ASTN1: variants seen among roughly 807,000 people sequenced by gnomAD.
ASTN1 encodes astrotactin 1, also known as astrotactin-1.
In ASTN1, 41 loss-of-function variants were observed where a neutral mutation model predicts 140.7. That is an observed-to-expected ratio of 0.29 (90% CI 0.23 to 0.38). ASTN1 has a LOEUF of 0.38. Ranked by LOEUF, ASTN1 falls within the 10% of genes least tolerant of loss-of-function variation. ASTN1 has a pLI of 1.00. For synonymous variants in ASTN1, 640 were observed against 652.2 expected (o/e 0.98, Z 0.29); for missense variants, 1,479 against 1,678.8 (o/e 0.88, Z 2.08).
intron 8 of ASTN1, chr1:176,981,723 C>T (rs975258495): frequency 6.5e-6 from 1 of 152,796 alleles, no homozygotes; most frequent in African/African-American, 2.4e-5. Context: ...GCATGATTCT[C>T]ATAGTTCGGC....
At chr1:177,004,139 C>A (rs1674875762) in intron 8 of ASTN1, among the ~76,000 whole-genome samples, 2 of 152,030 alleles carry the variant, frequency 1.3e-5, no homozygotes, top group African/African-American at 2.4e-5. Context: ...CTAGGTTACA[C>A]AATGTATACA....
intron 8 of ASTN1, among the ~76,000 whole-genome samples, chr1:177,002,252 G>C (rs972769310): frequency 1.3e-5 from 2 of 152,120 alleles, no homozygotes; most frequent in Non-Finnish European, 2.9e-5. Flanking sequence ...CACCCCAATT[G>C]TTGAAGTTCA....
intron 1 of ASTN1, among the ~76,000 whole-genome samples, chr1:177,069,367 C>T (rs1439210988): frequency 6.6e-6 from 1 of 152,134 alleles, no homozygotes; most frequent in African/African-American, 2.4e-5. Context: ...AGCTGCCCAT[C>T]CACCCGCTTC....
At chr1:177,045,206 A>C (rs1677159809) in intron 2 of ASTN1, among the ~76,000 whole-genome samples, 1 of 152,140 alleles carries the variant, frequency 6.6e-6, no homozygotes, top group African/African-American at 2.4e-5. Flanking sequence ...TTTCTCAATT[A>C]ATCCTTAATC....
chr1:176,896,253 A>G (rs987370784), intron 16 of ASTN1, among the ~76,000 whole-genome samples: 8 of 152,226 alleles, frequency 5.3e-5, no homozygotes, highest in Non-Finnish European at 1.2e-4. Context: ...TAAATATGGC[A>G]TATAATTCAT....
At chr1:176,953,434 C>A (rs1428834249) in intron 11 of ASTN1, among the ~76,000 whole-genome samples, 2 of 152,254 alleles carry the variant, frequency 1.3e-5, no homozygotes, top group African/African-American at 4.8e-5. Context: ...AACCTCACTT[C>A]TTTTACAAAT....
intron 1 of ASTN1, among the ~76,000 whole-genome samples, chr1:177,106,771 G>A (rs890367048): frequency 5.9e-5 from 9 of 152,102 alleles, no homozygotes; most frequent in African/African-American, 1.7e-4. Context: ...GCTGAATGGC[G>A]TTCAAATGAT....
At chr1:177,093,345 C>G (rs777635511) in intron 1 of ASTN1, among the ~76,000 whole-genome samples, 1 of 152,130 alleles carries the variant, frequency 6.6e-6, no homozygotes, top group African/African-American at 2.4e-5. Context: ...GGACACTGTA[C>G]GTGATATCCA....
chr1:176,894,636 C>A lies in ASTN1; in HGVS notation c.2866G>T (p.Ala956Ser), dbSNP rs143602916. ...CHVTSSPDTP[A>S]EPVLLEVTKA... is the part of the protein sequence containing the mutation. Reference sequence around the variant, plus strand: ...GTCACCTCCAGCAGAACCGGCTCAGCAGGGGTGTCAGGGCTGGATGTCACA... The same window carrying A: ...GTCACCTCCAGCAGAACCGGCTCAGAAGGGGTGTCAGGGCTGGATGTCACA... Residue 956 changes from alanine to serine, a missense_variant, in exon 17 of 23, where the codon GCT becomes TCT. By Grantham distance (99) the Ala-to-Ser change is moderately conservative (BLOSUM62 1). Coordinates refer to ENST00000361833, the MANE Select transcript of ASTN1 (RefSeq NM_004319.3). The A allele has an allele frequency of 6.2e-7, 1 of 1,614,078 alleles. No individual in the cohort carries two copies. Among genetic ancestry groups the A allele is most frequent in the Non-Finnish European group, 8.5e-7 (1 of 1,180,012 alleles).
intron 1 of ASTN1, among the ~76,000 whole-genome samples, chr1:177,156,869 T>G (rs1301138081): frequency 6.6e-6 from 1 of 152,182 alleles, no homozygotes; most frequent in Non-Finnish European, 1.5e-5. Flanking sequence ...AAATGACACT[T>G]TATAGCTTCC....
At chr1:176,914,469 T>C (rs1670394849) in intron 16 of ASTN1, among the ~76,000 whole-genome samples, 1 of 152,222 alleles carries the variant, frequency 6.6e-6, no homozygotes, top group Non-Finnish European at 1.5e-5. Context: ...ATTACAAAGC[T>C]TAACTCTGTG....
rs1385017638 is a variant in ASTN1 at position 176,942,866 on chromosome 1, A to ATATATATATATATATATT, written c.2377+1024_2377+1025insAATATATATATATATATA. ...TATATATATATATATATATATATAT[A>ATATATATATATATATATT]GATTGATGTCTCATGTCTCCTTAAA... is the stretch of plus-strand genomic sequence containing the variant. On this transcript the variant is annotated intron_variant, in intron 14 of 22. Transcript: ENST00000361833. 2.5e-3 allele frequency among the ~76,000 whole-genome samples: 175 copies of ATATATATATATATATATT among 69,996 alleles called. 49 individuals are homozygous for ATATATATATATATATATT. Among genetic ancestry groups the ATATATATATATATATATT allele is most frequent in the Middle Eastern group, 0.019 (2 of 106 alleles). 45.9% of individuals were successfully genotyped at this position (69,996 alleles called of 152,430 possible). A position where few individuals can be genotyped will look rare whatever the true frequency, so the allele number is the denominator to read the frequency against.
chr1:177,083,658 A>G (rs781221215), intron 1 of ASTN1, among the ~76,000 whole-genome samples: 4 of 152,214 alleles, frequency 2.6e-5, no homozygotes, highest in Non-Finnish European at 5.9e-5. Flanking sequence ...GGCAAGCAAT[A>G]GAAAAATCTT....
At chr1:176,907,818 A>G (rs1254954403) in intron 16 of ASTN1, among the ~76,000 whole-genome samples, 1 of 152,220 alleles carries the variant, frequency 6.6e-6, no homozygotes, top group Non-Finnish European at 1.5e-5. Context: ...GTATGAGTTA[A>G]GAGATTACAG....
chr1:177,070,248 G>A (rs921292785), intron 1 of ASTN1, among the ~76,000 whole-genome samples: 2 of 152,022 alleles, frequency 1.3e-5, no homozygotes, highest in African/African-American at 4.8e-5. Context: ...CTGGTCACAG[G>A]GTGATTGTAA....
chr1:176,878,373 A>G (rs1668652319), intron 20 of ASTN1, among the ~76,000 whole-genome samples: 1 of 149,658 alleles, frequency 6.7e-6, no homozygotes, highest in Admixed American at 6.8e-5. Context: ...CCCCAGCCTG[A>G]CCCTGATTCC....
intron 1 of ASTN1, among the ~76,000 whole-genome samples, chr1:177,084,226 G>A (rs947508153): frequency 9.2e-5 from 14 of 152,112 alleles, no homozygotes; most frequent in African/African-American, 2.9e-4. Context: ...ACCACAGTTC[G>A]GACTTGGGAG....
intron 16 of ASTN1, among the ~76,000 whole-genome samples, chr1:176,922,296 C>G (rs191087072): frequency 6.6e-6 from 1 of 151,812 alleles, no homozygotes; most frequent in Non-Finnish European, 1.5e-5. Flanking sequence ...TGTATGCAGC[C>G]TGTGGAACCA....
At chr1:176,946,635 T>C (rs945661647) in intron 12 of ASTN1, among the ~76,000 whole-genome samples, 1 of 152,200 alleles carries the variant, frequency 6.6e-6, no homozygotes. Flanking sequence ...TATCATCTCC[T>C]GGCACTGTAC....
Sources: allele counts gnomAD v4.1 joint callset (sites outside exome capture counted in the v4.1 genomes callset), GRCh38; gene constraint gnomAD v4.1.1; transcripts MANE v1.5; gene names NCBI Gene and HGNC (gene_info 2026-07-23, HGNC 2026-07-21).